The following PSMC3 variants were observed in gnomAD, a reference collection of about 807,000 sequenced individuals.
The protein encoded by PSMC3 is 26S proteasome regulatory subunit 6A.
A neutral mutation model predicts 52.0 loss-of-function variants in PSMC3; 11 were observed. That is an observed-to-expected ratio of 0.21 (90% CI 0.13 to 0.35). The LOEUF is 0.35. Ranked by LOEUF, PSMC3 falls within the 10% of genes least tolerant of loss-of-function variation. The pLI is 1.00. For synonymous variants in PSMC3, 201 were observed against 218.8 expected (o/e 0.92, Z 0.72); for missense variants, 238 against 567.1 (o/e 0.42, Z 5.89).
Position 47,424,522 on chromosome 11 carries a change from T to TA in PSMC3, c.391-32dup, listed in dbSNP as rs1488386406. Reference sequence around the variant, plus strand: ...GACAAGTTACAGGGGCAGTCTCAGTTAGTGTCCTCAGGGAAGGCTCCCTAG... The same window carrying TA: ...GACAAGTTACAGGGGCAGTCTCAGTTAAGTGTCCTCAGGGAAGGCTCCCTAG... On this transcript the variant is annotated intron_variant, in intron 4 of 11. Coordinates refer to ENST00000298852, the MANE Select transcript of PSMC3 (RefSeq NM_002804.5). The surrounding 1 kb of genome is among the most constrained non-coding windows in gnomAD (Gnocchi z 4.8). 6.2e-7 allele frequency: 1 copy of TA among 1,612,400 alleles called. No homozygotes were observed. Among genetic ancestry groups the TA allele is most frequent in the African/African-American group, 1.3e-5 (1 of 74,864 alleles).
chr11:47,422,532 T>C lies in PSMC3; in HGVS notation c.884+42A>G. 1 of 1,607,906 alleles carries C rather than the reference T, an allele frequency of 6.2e-7. No homozygotes were observed. Among genetic ancestry groups the C allele is most frequent in the Non-Finnish European group, 8.5e-7 (1 of 1,175,510 alleles). ...AACTGAGAGTCAACCCGCTTCCCCTTACCGCCACAGAGATCGCTAGGGACC... is the reference window on the plus strand; with the variant it reads ...AACTGAGAGTCAACCCGCTTCCCCTCACCGCCACAGAGATCGCTAGGGACC... On this transcript the variant is annotated intron_variant, in intron 8 of 11. Coordinates refer to ENST00000298852, the MANE Select transcript of PSMC3 (RefSeq NM_002804.5). This position sits in a 1 kb window ranked among gnomAD's most constrained non-coding sequence, Gnocchi z 4.3.
In PSMC3 at chr11:47,422,873, G is replaced by A. The variant is rs373075759; in HGVS notation, c.692C>T (p.Thr231Met). ...GGCCCGGGCCAGGAGGGTCTTCCCC[G>A]TCCCTGGGGGCCCATACATCAGCAC... ...KGVLMYGPPG[T>M]GKTLLARACA... The change falls in exon 7 of 12, where the codon ACG becomes ATG. Residue 231 changes from threonine to methionine, a missense_variant. This residue lies in a region of PSMC3 where 46 missense variants were observed against 172.9 expected (regional missense o/e 0.27). Transcript: ENST00000298852. The surrounding 1 kb of genome is among the most constrained non-coding windows in gnomAD (Gnocchi z 4.3). 4.3e-6 allele frequency: 7 copies of A among 1,613,344 alleles called. No homozygotes were observed. The highest frequency in any genetic ancestry group is 1.6e-4 in the Middle Eastern group (1 of 6,080).
In PSMC3 at chr11:47,425,257, G is replaced by A; in HGVS notation, c.160-11C>T. ...TTCACTCTTCATGATCTGAGATCAG[G>A]AGGGGAGGAGAAGCAAATATAAACC... On this transcript the variant is annotated splice_polypyrimidine_tract_variant and intron_variant, in intron 2 of 11. Transcript: ENST00000298852. 3 of 1,613,924 alleles carry A rather than the reference G, an allele frequency of 1.9e-6. No homozygotes were observed. The highest frequency in any genetic ancestry group is 2.5e-6 in the Non-Finnish European group (3 of 1,179,976).
At chr11:47,421,471 T>C (rs1450718277) in intron 8 of PSMC3, among the ~76,000 whole-genome samples, 1 of 151,282 alleles carries the variant, frequency 6.6e-6, no homozygotes, top group African/African-American at 2.4e-5. Flanking sequence ...AACCAACCAG[T>C]GGAGAACAGG....
At position 47,424,944 on chromosome 11, in the gene PSMC3, G is replaced by A. The variant is rs193072878; in HGVS notation, c.285+177C>T. Among the ~76,000 whole-genome samples the A allele has an allele frequency of 2.0e-3, 308 of 152,238 alleles. No homozygotes were observed. The highest frequency in any genetic ancestry group is 6.7e-3 in the African/African-American group (278 of 41,534). On this transcript the variant is annotated intron_variant, in intron 3 of 11. Transcript: ENST00000298852. This position sits in a 1 kb window ranked among gnomAD's most constrained non-coding sequence, Gnocchi z 4.8. ...ACATAACCAACAGAAAAGGAGACACGTGAGACCTCCCAGGACTTTGCAGGC... is the reference window on the plus strand; with the variant it reads ...ACATAACCAACAGAAAAGGAGACACATGAGACCTCCCAGGACTTTGCAGGC...
chr11:47,423,087 C>T, intron 6 of PSMC3, 114 bp from the exon 7 acceptor site: 1 of 1,128,928 alleles, frequency 8.9e-7, no homozygotes, highest in Non-Finnish European at 1.3e-6. Context: ...AGGGACACGC[C>T]CATTTCTTTC....
Position 47,420,371 on chromosome 11 carries a change from G to A in PSMC3, c.1020C>T (p.Pro340=), listed in dbSNP as rs771873266. ...AATNRVDILD[P]ALLRSGRLDR... ...CAAGGCGGCCCGAGCGGAGGAGGGC[G>A]GGGTCCAGGATGTCCACCCTGTTTG... is the stretch of plus-strand genomic sequence containing the variant. The change falls in exon 10 of 12, where the codon CCC becomes CCT. Residue 340 remains proline, a synonymous_variant. Transcript: ENST00000298852. 37 of 1,614,052 alleles carry A rather than the reference G, an allele frequency of 2.3e-5. No individual in the cohort carries two copies. Among genetic ancestry groups the A allele is most frequent in the Admixed American group, 6.7e-5 (4 of 60,004 alleles).
At chr11:47,421,028 TGAGGTCAG>T (rs1245351167) in intron 8 of PSMC3, among the ~76,000 whole-genome samples, 4 of 152,064 alleles carry the variant, frequency 2.6e-5, no homozygotes, top group African/African-American at 7.2e-5. Flanking sequence ...GCCTATCACC[TGAGGTCAG>T]GAGTTCGAGA....
At chr11:47,419,924 A>G (rs945526401) in intron 10 of PSMC3, among the ~76,000 whole-genome samples, 17 of 151,750 alleles carry the variant, frequency 1.1e-4, no homozygotes, top group African/African-American at 3.9e-4. Context: ...AGAGTCATAC[A>G]TATCTGAACT....
chr11:47,420,516 G>C, intron 9 of PSMC3, 107 bp from the exon 10 acceptor site: 1 of 1,520,074 alleles, frequency 6.6e-7, no homozygotes, highest in Non-Finnish European at 9.0e-7. Context: ...GAGACACATG[G>C]GATGTTAAAG....
At position 47,424,800 on chromosome 11, in the gene PSMC3, C is replaced by T. The variant is rs796838582; in HGVS notation, c.286-89G>A. 8.5e-6 allele frequency: 10 copies of T among 1,169,810 alleles called. No homozygotes were observed. In the African/African-American group the frequency reaches 1.2e-4, roughly 14 times the overall value. 72.5% of individuals were successfully genotyped at this position (1,169,810 alleles called of 1,614,324 possible). ...CCTAATACCTGCAGGGCTGGCCATC[C>T]TTACCTCCCTCCTCCAATAGCCCTG... is the stretch of plus-strand genomic sequence containing the variant. On this transcript the variant is annotated intron_variant, in intron 3 of 11. Transcript: ENST00000298852. The surrounding 1 kb of genome is among the most constrained non-coding windows in gnomAD (Gnocchi z 4.8).
chr11:47,420,067 C>T (rs919967202), intron 10 of PSMC3, among the ~76,000 whole-genome samples, 197 bp downstream of exon 10: 4 of 152,058 alleles, frequency 2.6e-5, no homozygotes, highest in Non-Finnish European at 4.4e-5. Context: ...CCCAGAATTA[C>T]GACATGGGCC....
intron 2 of PSMC3, 79 bp from the exon 3 acceptor site, chr11:47,425,325 G>A: frequency 6.4e-7 from 1 of 1,559,338 alleles, no homozygotes; most frequent in East Asian, 2.2e-5. Flanking sequence ...GTGAGGTCCA[G>A]GGTGCCCAGG....
chr11:47,422,455 C>G lies in PSMC3; in HGVS notation c.884+119G>C, dbSNP rs143628159. 2,643 of 1,257,416 alleles carry G rather than the reference C, an allele frequency of 2.1e-3. 4 individuals are homozygous for G. Among genetic ancestry groups the G allele is most frequent in the Middle Eastern group, 0.011 (55 of 5,138 alleles). 77.9% of individuals were successfully genotyped at this position (1,257,416 alleles called of 1,614,324 possible). On this transcript the variant is annotated intron_variant, in intron 8 of 11. Coordinates refer to ENST00000298852, the MANE Select transcript of PSMC3 (RefSeq NM_002804.5). The surrounding 1 kb of genome is among the most constrained non-coding windows in gnomAD (Gnocchi z 4.3). ...TGGAATCTCAAGAGTTGAGGAGCCA[C>G]CATCCAGGGGCAGGAGGGGATACAG...
At position 47,422,463 on chromosome 11, in the gene PSMC3, G is replaced by A; in HGVS notation, c.884+111C>T. The stretch of plus-strand genomic sequence containing the variant: ...CAAGAGTTGAGGAGCCACCATCCAG[G>A]GGCAGGAGGGGATACAGGGTGGGAA... On this transcript the variant is annotated intron_variant, in intron 8 of 11. Transcript: ENST00000298852. The surrounding 1 kb of genome is among the most constrained non-coding windows in gnomAD (Gnocchi z 4.3). The A allele has an allele frequency of 1.5e-6, 2 of 1,325,222 alleles. No homozygotes were observed. Among genetic ancestry groups the A allele is most frequent in the Non-Finnish European group, 1.0e-6 (1 of 957,766 alleles). 82.1% of individuals were successfully genotyped at this position (1,325,222 alleles called of 1,614,324 possible).
Position 47,426,196 on chromosome 11 carries a change from G to A in PSMC3, c.75+9C>T, listed in dbSNP as rs1285743201. ...CGGTTCCCGGACCGCCAGCTCGCCCGGTGCCCACCTCGGCCTCATCCCACA... is the reference window on the plus strand; with the variant it reads ...CGGTTCCCGGACCGCCAGCTCGCCCAGTGCCCACCTCGGCCTCATCCCACA... On this transcript the variant is annotated intron_variant, in intron 1 of 11. Transcript: ENST00000298852. 1.9e-6 allele frequency: 3 copies of A among 1,556,270 alleles called. No homozygotes were observed. The highest frequency in any genetic ancestry group is 1.2e-5 in the South Asian group (1 of 84,472).
At chr11:47,419,464 T>C (rs1249034354) in intron 10 of PSMC3, among the ~76,000 whole-genome samples, 3 of 152,216 alleles carry the variant, frequency 2.0e-5, no homozygotes, top group Admixed American at 6.5e-5. Flanking sequence ...AGGGACTGAC[T>C]GTCCTCATCC....
At position 47,422,284 on chromosome 11, in the gene PSMC3, C is replaced by T. The variant is rs961064997; in HGVS notation, c.884+290G>A. 9.9e-5 allele frequency among the ~76,000 whole-genome samples: 15 copies of T among 152,102 alleles called. No homozygotes were observed. The highest frequency in any genetic ancestry group is 2.6e-4 in the Admixed American group (4 of 15,272). ...GTCTCGATCTCCTGACCTCGTGATCCGCCTGCCTCGGCCTCCCAAAGTGCT... is the reference window on the plus strand; with the variant it reads ...GTCTCGATCTCCTGACCTCGTGATCTGCCTGCCTCGGCCTCCCAAAGTGCT... On this transcript the variant is annotated intron_variant, in intron 8 of 11. Transcript: ENST00000298852. The surrounding 1 kb of genome is among the most constrained non-coding windows in gnomAD (Gnocchi z 4.3).
chr11:47,421,249 C>CAAAA lies in PSMC3; in HGVS notation c.885-526_885-523dup, dbSNP rs56344837. On this transcript the variant is annotated intron_variant, in intron 8 of 11. Coordinates refer to ENST00000298852, the MANE Select transcript of PSMC3 (RefSeq NM_002804.5). Reference sequence around the variant, plus strand: ...TGGACGACAGAGCGAGACTCCATCTCAAAAAAAAAAAAAAAAAAAAAAAAA... The same window carrying CAAAA: ...TGGACGACAGAGCGAGACTCCATCTCAAAAAAAAAAAAAAAAAAAAAAAAAAAAA... Among the ~76,000 whole-genome samples the CAAAA allele has an allele frequency of 6.8e-4, 42 of 61,404 alleles. 4 individuals carry two copies. The highest frequency in any genetic ancestry group is 1.6e-3 in the African/African-American group (22 of 14,118). 40.3% of individuals were successfully genotyped at this position (61,404 alleles called of 152,430 possible). A position where few individuals can be genotyped will look rare whatever the true frequency, so the allele number is the denominator to read the frequency against.
Sources: allele counts gnomAD v4.1 joint callset (sites outside exome capture counted in the v4.1 genomes callset), GRCh38; gene constraint gnomAD v4.1.1; regional missense constraint gnomAD v4.1.1; non-coding constraint Gnocchi (gnomAD v3.1); transcripts MANE v1.5; gene names NCBI Gene and HGNC (gene_info 2026-07-23, HGNC 2026-07-21).